The following MEGF11 variants were observed in gnomAD, a reference collection of about 807,000 sequenced individuals.
The protein encoded by MEGF11 is multiple epidermal growth factor-like domains protein 11.
MEGF11 carries 126 observed loss-of-function variants against 146.6 expected under a neutral mutation model. The ratio of observed to expected loss-of-function variants is 0.86; its 90% CI spans 0.74 to 1.00. The LOEUF is 1.00. MEGF11 is among the 50% of genes least tolerant of loss of function. The pLI is 0.00. For synonymous variants in MEGF11, 532 were observed against 583.4 expected, an observed-to-expected ratio of 0.91 and a Z score of 1.27; for missense variants, 1,509 against 1,521.2, an observed-to-expected ratio of 0.99 and a Z score of 0.13.
chr15:66,107,054 A>ACCCCCCCCCCC (rs35937464), intron 4 of MEGF11, among the ~76,000 whole-genome samples: 3 of 132,496 alleles, frequency 2.3e-5, no homozygotes, highest in African/African-American at 8.7e-5. Flanking sequence ...TTATATTCCT[A>ACCCCCCCCCCC]CCCCCCCACC....
At chr15:66,166,590 C>G (rs910971658) in intron 1 of MEGF11, among the ~76,000 whole-genome samples, 1 of 152,118 alleles carries the variant, frequency 6.6e-6, no homozygotes, top group African/African-American at 2.4e-5. Context: ...GGTTCGTGTC[C>G]TCCCTGGCTG....
At chr15:66,167,925 T>C (rs920504941) in intron 1 of MEGF11, among the ~76,000 whole-genome samples, 2 of 152,146 alleles carry the variant, frequency 1.3e-5, no homozygotes, top group African/African-American at 4.8e-5. Context: ...GGATGTAGCC[T>C]TTCCCCCCTG....
intron 4 of MEGF11, among the ~76,000 whole-genome samples, chr15:66,117,084 G>A (rs1165821626): frequency 6.6e-6 from 1 of 152,210 alleles, no homozygotes. Flanking sequence ...AGGGCTGTTG[G>A]GAGCAGTAGA....
chr15:65,914,742 A>G (rs1567153629), intron 19 of MEGF11, among the ~76,000 whole-genome samples: 1 of 152,262 alleles, frequency 6.6e-6, no homozygotes, highest in Non-Finnish European at 1.5e-5. Context: ...ATTTATCCTC[A>G]GAATGCAACG....
intron 5 of MEGF11, among the ~76,000 whole-genome samples, chr15:66,063,182 A>G (rs556074725): frequency 2.0e-5 from 3 of 152,342 alleles, no homozygotes; most frequent in African/African-American, 7.2e-5. Flanking sequence ...ACCTAGACAA[A>G]TTGATACTTT....
At chr15:66,139,119 C>T (rs1461559484) in intron 1 of MEGF11, among the ~76,000 whole-genome samples, 1 of 152,190 alleles carries the variant, frequency 6.6e-6, no homozygotes, top group African/African-American at 2.4e-5. Flanking sequence ...GCATTTCTGG[C>T]CTAGGCTGTG....
chr15:65,957,264 A>C (rs895113064), intron 10 of MEGF11, among the ~76,000 whole-genome samples: 1 of 152,244 alleles, frequency 6.6e-6, no homozygotes, highest in African/African-American at 2.4e-5. Context: ...TGATGTAAAA[A>C]TATTGTGTGC....
chr15:66,221,123 A>AT (rs947884656), intron 1 of MEGF11, among the ~76,000 whole-genome samples: 6 of 150,874 alleles, frequency 4.0e-5, no homozygotes, highest in East Asian at 1.9e-4. Context: ...TTAAAAAAAA[A>AT]TTTTTTTTTT....
chr15:65,915,247 G>A (rs907918215), intron 19 of MEGF11, among the ~76,000 whole-genome samples: 5 of 152,308 alleles, frequency 3.3e-5, no homozygotes, highest in Admixed American at 6.5e-5. Context: ...TGGCTCATGG[G>A]AAACTTGCCA....
chr15:66,236,834 A>C (rs1245993726), intron 1 of MEGF11, among the ~76,000 whole-genome samples: 1 of 152,140 alleles, frequency 6.6e-6, no homozygotes, highest in Non-Finnish European at 1.5e-5. Context: ...TCCACATCAG[A>C]ACAAAGGGGC....
At chr15:66,136,826 G>A (rs1395500750) in intron 1 of MEGF11, among the ~76,000 whole-genome samples, 2 of 152,132 alleles carry the variant, frequency 1.3e-5, no homozygotes, top group East Asian at 1.9e-4. Flanking sequence ...TTAGGAGTTC[G>A]AGACCAGCCT....
Position 65,982,553 on chromosome 15 carries a change from A to G in MEGF11, c.395-65T>C, listed in dbSNP as rs2081692084. 7.1e-7 allele frequency: 1 copy of G among 1,410,314 alleles called. No homozygotes were observed. The highest frequency in any genetic ancestry group is 1.5e-5 in the African/African-American group (1 of 67,020). The allele number at this position is 1,410,314 out of a possible 1,614,324, so 87.4% of individuals were successfully genotyped here. A position where few individuals can be genotyped will look rare whatever the true frequency, so the allele number is the denominator to read the frequency against. ...GGCTCTCCTTGGGGCAGGGGCCAGGAACCGATGCCCATGCGGCCTTCCCAT... is the reference window on the plus strand; with the variant it reads ...GGCTCTCCTTGGGGCAGGGGCCAGGGACCGATGCCCATGCGGCCTTCCCAT... On this transcript the variant is annotated intron_variant, in intron 5 of 25. Transcript: ENST00000395614. This position sits in a 1 kb window ranked among gnomAD's most constrained non-coding sequence, Gnocchi z 5.6.
chr15:66,211,364 AT>A (rs1383567581), intron 1 of MEGF11, among the ~76,000 whole-genome samples: 29 of 151,844 alleles, frequency 1.9e-4, no homozygotes, highest in Admixed American at 7.9e-4. Flanking sequence ...TCTACTAAAA[AT>A]ACAAAAAAAT....
At chr15:66,166,759 C>T (rs773261524) in intron 1 of MEGF11, among the ~76,000 whole-genome samples, 17 of 152,006 alleles carry the variant, frequency 1.1e-4, no homozygotes, top group Non-Finnish European at 1.6e-4. Flanking sequence ...TTCAAGTCAT[C>T]GTCTCTGAAA....
In MEGF11 at chr15:65,970,500, C is replaced by T. The variant is rs2081265748; in HGVS notation, c.899+53G>A. On this transcript the variant is annotated intron_variant, in intron 8 of 25. Coordinates refer to ENST00000395614, the MANE Select transcript of MEGF11 (RefSeq NM_001385028.1). ...CTATGAGCTGTTCTCTGCAAGTCTC[C>T]TATGAATATGAGTAAAATGGACAGC... 1.1e-5 allele frequency: 18 copies of T among 1,582,832 alleles called. No individual in the cohort carries two copies. In the South Asian group the frequency reaches 1.8e-4, roughly 16 times the overall value.
chr15:66,191,410 A>G (rs1437895008), intron 1 of MEGF11, among the ~76,000 whole-genome samples: 1 of 152,228 alleles, frequency 6.6e-6, no homozygotes. Context: ...AAAATCCATT[A>G]TCTTAACAGC....
Position 65,897,809 on chromosome 15 carries a change from A to T in MEGF11, c.*125T>A. The T allele has an allele frequency of 1.1e-6, 1 of 908,830 alleles. No homozygotes were observed. Among genetic ancestry groups the T allele is most frequent in the Non-Finnish European group, 1.6e-6 (1 of 615,938 alleles). 56.3% of individuals were successfully genotyped at this position (908,830 alleles called of 1,614,324 possible). On this transcript the variant is annotated 3_prime_UTR_variant, in exon 26 of 26. Transcript: ENST00000395614. ...CACCTGGACGCTCTTCTTTAGTTCC[A>T]GGTGAACGTAATAACTAACATGCAG...
chr15:66,001,236 C>A (rs2082357151), intron 5 of MEGF11, among the ~76,000 whole-genome samples: 1 of 152,088 alleles, frequency 6.6e-6, no homozygotes, highest in Non-Finnish European at 1.5e-5. Context: ...CATCCACACG[C>A]CCCCACGAAA....
chr15:66,094,581 C>A, intron 4 of MEGF11, 87 bp from the exon 5 acceptor site: 1 of 1,195,646 alleles, frequency 8.4e-7, no homozygotes. Flanking sequence ...CATTTTGTCA[C>A]AACTCCCTGG....
Sources: gnomAD v4.1 joint callset for allele counts (sites outside exome capture counted in the v4.1 genomes callset) on GRCh38, gnomAD v4.1.1 for gene constraint, Gnocchi (gnomAD v3.1) non-coding constraint, MANE v1.5 for transcripts, NCBI Gene and HGNC (gene_info 2026-07-23, HGNC 2026-07-21) for gene names.